CD200R1: variants seen among roughly 807,000 people sequenced by gnomAD.
CD200R1 encodes the protein cell surface glycoprotein CD200 receptor 1.
A neutral mutation model predicts 38.1 loss-of-function variants in CD200R1; 30 were observed. The observed-to-expected ratio is 0.79, with a 90% CI of 0.59 to 1.07. CD200R1 has a LOEUF of 1.07. Ranked by LOEUF, CD200R1 falls within the 50% of genes least tolerant of loss-of-function variation. The pLI is 0.00. For synonymous variants in CD200R1, 128 were observed against 152.1 expected, an observed-to-expected ratio of 0.84 and a Z score of 1.16; for missense variants, 372 against 415.4, an observed-to-expected ratio of 0.90 and a Z score of 0.91.
intron 2 of CD200R1, among the ~76,000 whole-genome samples, chr3:112,942,485 A>T (rs1940749485): frequency 6.6e-6 from 1 of 151,730 alleles, no homozygotes; most frequent in South Asian, 2.1e-4. Context: ...TAAGGAGGAT[A>T]GAAAATGGCA....
chr3:112,927,716 A>G (rs943482642), intron 5 of CD200R1, among the ~76,000 whole-genome samples: 1 of 152,186 alleles, frequency 6.6e-6, no homozygotes, highest in Non-Finnish European at 1.5e-5. Context: ...AACACATACC[A>G]AAACTCAAGA....
chr3:112,925,237 A>T, intron 5 of CD200R1, 44 bp from the exon 6 acceptor site: 1 of 885,066 alleles, frequency 1.1e-6, no homozygotes, highest in South Asian at 1.5e-5. Flanking sequence ...TACAATCCAA[A>T]TAATGTACTA....
chr3:112,927,136 G>A (rs1235501554), intron 5 of CD200R1, among the ~76,000 whole-genome samples: 1 of 152,094 alleles, frequency 6.6e-6, no homozygotes, highest in Non-Finnish European at 1.5e-5. Flanking sequence ...AAGATGAACT[G>A]GAGAGACTCC....
At chr3:112,951,293 C>T (rs1043278926) in intron 1 of CD200R1, among the ~76,000 whole-genome samples, 5 of 152,042 alleles carry the variant, frequency 3.3e-5, no homozygotes, top group Non-Finnish European at 7.4e-5. Context: ...GAAGACAAAG[C>T]TTTTGAAACC....
chr3:112,926,759 G>A (rs560685833), intron 5 of CD200R1, among the ~76,000 whole-genome samples: 9 of 151,464 alleles, frequency 5.9e-5, no homozygotes, highest in African/African-American at 2.2e-4. Flanking sequence ...TTACTAAAAT[G>A]TTGGTAAAAA....
In CD200R1 at chr3:112,929,491, A is replaced by G. The variant is rs752006926; in HGVS notation, c.219T>C (p.Pro73=). 82 of 1,611,744 alleles carry G rather than the reference A, an allele frequency of 5.1e-5. No homozygotes were observed. The highest frequency in any genetic ancestry group is 6.8e-5 in the Non-Finnish European group (80 of 1,179,242). ...KVLAEVNTSW[P]VKMATNAVLC... is the part of the protein sequence containing the mutation. ...GCACAGCATTTGTAGCCATCTTTAC[A>G]GGCCATGAAGTGTTAACTGGACATG... The change falls in exon 4 of 8, where the codon CCT becomes CCC. Residue 73 remains proline (P), a synonymous_variant. Coordinates refer to ENST00000308611, the MANE Select transcript of CD200R1 (RefSeq NM_138806.4).
In CD200R1 at chr3:112,928,879, T is replaced by C; in HGVS notation, c.706A>G (p.Thr236Ala). The C allele has an allele frequency of 6.2e-7, 1 of 1,613,906 alleles. No homozygotes were observed. Residue 236 changes from threonine to alanine, a missense_variant, in exon 5 of 8, where the codon ACC becomes GCC. Coordinates refer to ENST00000308611, the MANE Select transcript of CD200R1 (RefSeq NM_138806.4). ...TCHWEVHNVS[T>A]VTCHVSHLTG... is the part of the protein sequence containing the mutation. ...AAATGGGAGACGTGGCAGGTCACGG[T>C]AGACACATTGTGGACCTCCCAGTGG...
At chr3:112,924,346 T>C (rs77561169) in intron 7 of CD200R1, 144 bp downstream of exon 7, 17,170 of 426,046 alleles carry the variant, frequency 0.04, 625 homozygotes, top group East Asian at 0.17. Context: ...ATTAACAAAG[T>C]AATCACACAT....
At chr3:112,948,962 G>T (rs892672327) in intron 1 of CD200R1, among the ~76,000 whole-genome samples, 1 of 152,206 alleles carries the variant, frequency 6.6e-6, no homozygotes. Flanking sequence ...AAGTTTAAAA[G>T]AAGAGATGTT....
chr3:112,962,282 G>A (rs1490161814), intron 1 of CD200R1, among the ~76,000 whole-genome samples: 1 of 152,046 alleles, frequency 6.6e-6, no homozygotes. Flanking sequence ...TTGTGTAAAT[G>A]TGTATCACTG....
intron 2 of CD200R1, among the ~76,000 whole-genome samples, chr3:112,935,448 C>A (rs1242205041): frequency 1.3e-5 from 2 of 151,988 alleles, no homozygotes; most frequent in Non-Finnish European, 2.9e-5. Flanking sequence ...TGAAACTATA[C>A]AAATACATGA....
At position 112,923,724 on chromosome 3, in the gene CD200R1, A is replaced by T. The variant is rs146685432; in HGVS notation, c.1000T>A (p.Ser334Thr). The T allele has an allele frequency of 2.9e-4, 459 of 1,608,490 alleles. No homozygotes were observed. The Admixed American group carries it at 6.2e-3, about 22-fold the overall frequency. ...TCAACTTCACTTTGTAATGCCTCAG[A>T]TGCCTTCACCTTGTTTGTAGTATCA... ...LYDTTNKVKASEALQSEVDTD... is the reference protein window; with the variant it reads ...LYDTTNKVKATEALQSEVDTD... The change falls in exon 8 of 8, where the codon TCT (serine) becomes ACT (threonine). Residue 334 changes from serine (S) to threonine (T), a missense_variant. Ser to Thr is a moderately conservative substitution (Grantham distance 58). Transcript: ENST00000308611.
intron 2 of CD200R1, among the ~76,000 whole-genome samples, chr3:112,940,063 T>C (rs1940690402): frequency 6.6e-6 from 1 of 151,846 alleles, no homozygotes; most frequent in East Asian, 1.9e-4. Context: ...GAACATACAT[T>C]TGGGAAAGGA....
chr3:112,950,442 T>G (rs1331004389), intron 1 of CD200R1, among the ~76,000 whole-genome samples: 1 of 151,942 alleles, frequency 6.6e-6, no homozygotes, highest in Non-Finnish European at 1.5e-5. Context: ...AGTCCTAAAT[T>G]TTAATGAAAA....
At chr3:112,952,792 TAATAAATA>T (rs1015654641) in intron 1 of CD200R1, among the ~76,000 whole-genome samples, 3 of 151,914 alleles carry the variant, frequency 2.0e-5, no homozygotes, top group African/African-American at 4.8e-5. Flanking sequence ...ATAATAATAA[TAATAAATA>T]AATAAATAAA....
intron 1 of CD200R1, among the ~76,000 whole-genome samples, chr3:112,971,700 C>T (rs1485670067): frequency 1.3e-5 from 2 of 152,156 alleles, no homozygotes; most frequent in Non-Finnish European, 2.9e-5. Context: ...TGTCTACTGA[C>T]TAATACCCAG....
intron 1 of CD200R1, among the ~76,000 whole-genome samples, chr3:112,949,224 CT>C (rs1940926274): frequency 1.3e-5 from 2 of 152,224 alleles, no homozygotes; most frequent in Admixed American, 6.5e-5. Context: ...CAGGCTCTAA[CT>C]GTGCAAGGCA....
At position 112,929,260 on chromosome 3, in the gene CD200R1, G is replaced by A. The variant is rs373257099; in HGVS notation, c.450C>T (p.Asp150=). 132 of 1,614,136 alleles carry A rather than the reference G, an allele frequency of 8.2e-5. 1 individual carries two copies. The highest frequency in any genetic ancestry group is 5.5e-4 in the South Asian group (50 of 91,076). The change falls in exon 4 of 8, where the codon GAC becomes GAT. Residue 150 remains aspartate (D), a synonymous_variant. Coordinates refer to ENST00000308611, the MANE Select transcript of CD200R1 (RefSeq NM_138806.4). ...TTACCATTATGCATCTGTAATACCC[G>A]TCATGAGTGATGGCCACGGTACGAA... ...LQIRTVAITH[D]GYYRCIMVTP...
intron 1 of CD200R1, among the ~76,000 whole-genome samples, chr3:112,964,495 AGAT>A (rs772237329): frequency 8.5e-5 from 13 of 152,312 alleles, no homozygotes; most frequent in Middle Eastern, 3.4e-3. Flanking sequence ...TGGAGCTTTA[AGAT>A]TTGACTGCCC....
Sources: allele counts gnomAD v4.1 joint callset (sites outside exome capture counted in the v4.1 genomes callset), GRCh38; gene constraint gnomAD v4.1.1; transcripts MANE v1.5; gene names NCBI Gene and HGNC (gene_info 2026-07-23, HGNC 2026-07-21).